The following EPS15L1 variants were observed in gnomAD, a reference collection of about 807,000 sequenced individuals.
EPS15L1 encodes the protein epidermal growth factor receptor substrate 15-like 1.
Under a neutral mutation model 117.1 loss-of-function variants are expected in EPS15L1, and 43 were observed. The ratio of observed to expected loss-of-function variants is 0.37; its 90% CI spans 0.29 to 0.47. The LOEUF is 0.47. EPS15L1 is among the 20% of genes least tolerant of loss of function. The pLI, the probability that EPS15L1 is intolerant of heterozygous loss-of-function variation, is 0.99. For synonymous variants in EPS15L1, 459 were observed against 470.5 expected (o/e 0.98, Z 0.32); for missense variants, 981 against 1,164.0 (o/e 0.84, Z 2.29).
At chr19:16,451,440 G>GTGA (rs2093141223) in intron 1 of EPS15L1, among the ~76,000 whole-genome samples, 1 of 152,198 alleles carries the variant, frequency 6.6e-6, no homozygotes, top group Non-Finnish European at 1.5e-5. Context: ...TGTGTAAGGT[G>GTGA]TGATAAGGCA....
intron 3 of EPS15L1, chr19:16,441,650 AAG>A: frequency 3.2e-6 from 1 of 311,032 alleles, no homozygotes; most frequent in South Asian, 9.6e-5. Context: ...AAAAAAAAAA[AAG>A]TCCACAAGCT....
intron 7 of EPS15L1, 47 bp from the exon 8 acceptor site, chr19:16,428,808 G>T: frequency 6.8e-7 from 1 of 1,481,126 alleles, no homozygotes; most frequent in African/African-American, 1.4e-5. Flanking sequence ...GAAGGACTGG[G>T]TGAGAGTGAG....
At chr19:16,400,364 AAAAAAAAC>A (rs1568418755) in intron 16 of EPS15L1, among the ~76,000 whole-genome samples, 5 of 151,852 alleles carry the variant, frequency 3.3e-5, no homozygotes, top group Admixed American at 3.3e-4. Context: ...AACAAAAAAA[AAAAAAAAC>A]CCCTGACTTT....
chr19:16,441,708 AGTGGT>A (rs2093033499), intron 3 of EPS15L1, 179 bp downstream of exon 3: 1 of 466,516 alleles, frequency 2.1e-6, no homozygotes, highest in African/African-American at 2.0e-5. Flanking sequence ...CTACCAAAGT[AGTGGT>A]GGGGGCTGCC....
intron 23 of EPS15L1, 61 bp from the exon 24 acceptor site, chr19:16,355,912 G>C: frequency 6.6e-7 from 1 of 1,515,206 alleles, no homozygotes; most frequent in African/African-American, 1.4e-5. Context: ...GCAAGCTGGA[G>C]GGAGGCAGGG....
At chr19:16,426,758 C>T (rs1024254789) in intron 8 of EPS15L1, among the ~76,000 whole-genome samples, 2 of 152,324 alleles carry the variant, frequency 1.3e-5, no homozygotes, top group Middle Eastern at 3.4e-3. Context: ...ATGTAACACA[C>T]AGGACTGGGT....
chr19:16,455,506 G>C (rs961182182), intron 1 of EPS15L1, among the ~76,000 whole-genome samples: 9 of 152,232 alleles, frequency 5.9e-5, no homozygotes, highest in African/African-American at 1.7e-4. Context: ...GGAGGATGCA[G>C]GACTATGCTG....
intron 16 of EPS15L1, among the ~76,000 whole-genome samples, chr19:16,398,410 G>A (rs779198024): frequency 1.9e-4 from 29 of 152,160 alleles, no homozygotes; most frequent in African/African-American, 6.5e-4. Context: ...CTGAGTGGAC[G>A]TCAGGTGCTG....
rs2092224829 is a variant in EPS15L1 at position 16,371,558 on chromosome 19, T to A, written c.2380+5564A>T. On this transcript the variant is annotated intron_variant, in intron 22 of 23. Transcript: ENST00000455140. This position sits in a 1 kb window ranked among gnomAD's most constrained non-coding sequence, Gnocchi z 4.7. ...AAGGTCATTAGCAGTAATAAAATAA[T>A]CATTAAATTGGGGAGAGGTTAAAGG... Among the ~76,000 whole-genome samples, 1 of 152,094 alleles carries A rather than the reference T, an allele frequency of 6.6e-6. No individual in the cohort carries two copies. The highest frequency in any genetic ancestry group is 6.5e-5 in the Admixed American group (1 of 15,274).
At chr19:16,470,086 G>A (rs528662051) in intron 1 of EPS15L1, among the ~76,000 whole-genome samples, 2 of 152,260 alleles carry the variant, frequency 1.3e-5, no homozygotes, top group African/African-American at 4.8e-5. Context: ...AAGAGGCTAA[G>A]AAGTCAGTGA....
intron 23 of EPS15L1, chr19:16,356,180 T>C (rs2091977510): frequency 2.6e-6 from 1 of 383,264 alleles, no homozygotes; most frequent in South Asian, 4.0e-5. Context: ...GGTGCAAAGA[T>C]GGGGAACTTC....
intron 1 of EPS15L1, among the ~76,000 whole-genome samples, chr19:16,449,017 T>C (rs2145117432): frequency 6.6e-6 from 1 of 152,314 alleles, no homozygotes; most frequent in African/African-American, 2.4e-5. Context: ...TGCGTACCTG[T>C]AGTCCCAGCA....
At position 16,413,883 on chromosome 19, in the gene EPS15L1, A is replaced by G. The variant is rs766338139; in HGVS notation, c.1194-38T>C. 17 of 1,511,658 alleles carry G rather than the reference A, an allele frequency of 1.1e-5. No individual in the cohort carries two copies. In the Middle Eastern group the frequency reaches 1.9e-3, roughly 166 times the overall value. The allele number at this position is 1,511,658 out of a possible 1,614,324, so 93.6% of individuals were successfully genotyped here. A position where few individuals can be genotyped will look rare whatever the true frequency, so the allele number is the denominator to read the frequency against. On this transcript the variant is annotated intron_variant, in intron 12 of 23. Transcript: ENST00000455140. ...AAATATTTCATGAAAACAAGAGTGA[A>G]TAATAAGCCTCCACCCCTTCCCAAG...
At chr19:16,434,511 C>G (rs199906791) in intron 6 of EPS15L1, 21 bp from the exon 7 acceptor site, 3 of 1,609,100 alleles carry the variant, frequency 1.9e-6, no homozygotes, top group South Asian at 1.1e-5. Flanking sequence ...AGAAATAGCC[C>G]GAGTAAGTAG....
chr19:16,367,897 A>G (rs1470297842), intron 22 of EPS15L1, among the ~76,000 whole-genome samples: 2 of 152,042 alleles, frequency 1.3e-5, no homozygotes, highest in African/African-American at 4.8e-5. Context: ...GCTTAGGAGG[A>G]GCATAAAAGG....
intron 1 of EPS15L1, among the ~76,000 whole-genome samples, chr19:16,464,970 GCA>G (rs2093289755): frequency 2.0e-5 from 3 of 151,604 alleles, no homozygotes; most frequent in African/African-American, 7.3e-5. Flanking sequence ...TCCCAGCTAC[GCA>G]GGAGGCTGAG....
rs902315781 is a variant in EPS15L1, at chr19:16,413,899, C to T, written c.1194-54G>A. 86 of 1,373,048 alleles carry T rather than the reference C, an allele frequency of 6.3e-5. No homozygotes were observed. The African/African-American group carries it at 1.2e-3, about 19-fold the overall frequency. The allele number at this position is 1,373,048 out of a possible 1,614,324, so 85.1% of individuals were successfully genotyped here. On this transcript the variant is annotated intron_variant, in intron 12 of 23. Coordinates refer to ENST00000455140, the MANE Select transcript of EPS15L1 (RefSeq NM_001258374.3). ...CAAGAGTGAATAATAAGCCTCCACC[C>T]CTTCCCAAGGCCTGATTCTGTTCAC...
intron 22 of EPS15L1, 67 bp from the exon 23 acceptor site, chr19:16,362,051 A>G: frequency 6.8e-7 from 1 of 1,462,826 alleles, no homozygotes; most frequent in Non-Finnish European, 9.1e-7. Flanking sequence ...CGGACAGAGC[A>G]GAATGCTGGT....
At chr19:16,411,151 T>C (rs1308670763) in intron 13 of EPS15L1, among the ~76,000 whole-genome samples, 1 of 152,110 alleles carries the variant, frequency 6.6e-6, no homozygotes, top group African/African-American at 2.4e-5. Context: ...CAAATGTTCC[T>C]AGCAACATTA....
Sources: gnomAD v4.1 joint callset for allele counts (sites outside exome capture counted in the v4.1 genomes callset) on GRCh38, gnomAD v4.1.1 for gene constraint, Gnocchi (gnomAD v3.1) non-coding constraint, MANE v1.5 for transcripts, NCBI Gene and HGNC (gene_info 2026-07-23, HGNC 2026-07-21) for gene names.